The following CABIN1 variants were observed in gnomAD, a reference collection of about 807,000 sequenced individuals.
CABIN1 encodes calcineurin-binding protein cabin-1.
A neutral mutation model predicts 227.7 loss-of-function variants in CABIN1; 133 were observed. That is an observed-to-expected ratio of 0.58 (90% CI 0.51 to 0.67). CABIN1 has a LOEUF of 0.67. Among genes scored for constraint, CABIN1 ranks in the 30% least tolerant of loss-of-function variants. The probability of loss-of-function intolerance (pLI) is 0.00; values close to 1 mark genes in which losing one functional copy is unlikely to be tolerated. For missense variants in CABIN1, 2,408 were observed against 2,852.5 expected (o/e 0.84, Z 3.55); for synonymous variants, 1,086 against 1,155.1 (o/e 0.94, Z 1.21).
chr22:24,138,173 G>A (rs1202388798), intron 29 of CABIN1, among the ~76,000 whole-genome samples: 1 of 152,092 alleles, frequency 6.6e-6, no homozygotes. Context: ...TGTGAGAGTT[G>A]TAGTTTAGGA....
At chr22:24,155,901 G>A (rs971823268) in intron 29 of CABIN1, 2 of 461,974 alleles carry the variant, frequency 4.3e-6, no homozygotes, top group Non-Finnish European at 7.7e-6. Flanking sequence ...GGAGAGGATT[G>A]GCCGGCAAAA....
chr22:24,152,607 G>A (rs1448837814), intron 29 of CABIN1, among the ~76,000 whole-genome samples: 1 of 152,228 alleles, frequency 6.6e-6, no homozygotes, highest in African/African-American at 2.4e-5. Flanking sequence ...AAAGCTCCCA[G>A]GCTGAGAACG....
At chr22:24,054,822 A>G in intron 8 of CABIN1, 51 bp from the exon 9 acceptor site, 6 of 1,612,514 alleles carry the variant, frequency 3.7e-6, no homozygotes, top group Non-Finnish European at 5.1e-6. Context: ...CTATGCTTGG[A>G]GTATTCCTCT....
At chr22:24,093,150 G>A (rs1977566037) in intron 24 of CABIN1, among the ~76,000 whole-genome samples, 1 of 152,192 alleles carries the variant, frequency 6.6e-6, no homozygotes. Flanking sequence ...GATCAACAAT[G>A]GCTACTTGCC....
intron 12 of CABIN1, among the ~76,000 whole-genome samples, chr22:24,061,481 C>T (rs565519015): frequency 2.6e-5 from 4 of 152,260 alleles, no homozygotes; most frequent in Non-Finnish European, 5.9e-5. Flanking sequence ...AGTTGTGAAA[C>T]AGCAGGAGGA....
intron 18 of CABIN1, among the ~76,000 whole-genome samples, chr22:24,074,628 G>A (rs2040315653): frequency 6.6e-6 from 1 of 152,210 alleles, no homozygotes; most frequent in South Asian, 2.1e-4. Context: ...TGGTTGGGTG[G>A]TGAGGGGCCT....
At chr22:24,160,059 T>C (rs1199875215) in intron 29 of CABIN1, among the ~76,000 whole-genome samples, 1 of 152,030 alleles carries the variant, frequency 6.6e-6, no homozygotes, top group African/African-American at 2.4e-5. Flanking sequence ...GGTGGGCGAG[T>C]CTGGCCCCTG....
Position 24,143,173 on chromosome 22 carries a change from A to G in CABIN1, c.4746+8758A>G, listed in dbSNP as rs115370496. On this transcript the variant is annotated intron_variant, in intron 29 of 36. Coordinates refer to ENST00000263119, the MANE Select transcript of CABIN1 (RefSeq NM_012295.4). ...TGTACTTCACTATGTATAGTGTGGA[A>G]GCCCATGCGTTGTGACTGGTAGCCT... Among the ~76,000 whole-genome samples, 1,427 of 152,298 alleles carry G rather than the reference A, an allele frequency of 9.4e-3. 20 individuals are homozygous for G. The highest frequency in any genetic ancestry group is 0.033 in the African/African-American group (1,358 of 41,570).
chr22:24,043,272 T>C lies in CABIN1; in HGVS notation c.526+188T>C, dbSNP rs546607310. Among the ~76,000 whole-genome samples, 68 of 151,870 alleles carry C rather than the reference T, an allele frequency of 4.5e-4. 1 individual carries two copies. The highest frequency in any genetic ancestry group is 2.2e-3 in the Admixed American group (33 of 15,248). On this transcript the variant is annotated intron_variant, in intron 6 of 36. Coordinates refer to ENST00000263119, the MANE Select transcript of CABIN1 (RefSeq NM_012295.4). ...CTTTCTTGATTTGTTAAATGCCTTG[T>C]AGTAATAAAGTAGCATGTTTTCTGA...
At chr22:24,016,800 T>C (rs761297625) in intron 1 of CABIN1, among the ~76,000 whole-genome samples, 6 of 152,170 alleles carry the variant, frequency 3.9e-5, no homozygotes, top group Non-Finnish European at 8.8e-5. Flanking sequence ...TCGCCAACAG[T>C]GTGTGCTGTC....
intron 33 of CABIN1, among the ~76,000 whole-genome samples, chr22:24,169,500 C>T (rs1292709797): frequency 1.3e-5 from 2 of 152,184 alleles, no homozygotes; most frequent in African/African-American, 4.8e-5. Flanking sequence ...AGGCTGTGGG[C>T]CAGACGAGGC....
At chr22:24,068,705 AT>A (rs1289898088) in intron 16 of CABIN1, among the ~76,000 whole-genome samples, 15 of 152,104 alleles carry the variant, frequency 9.9e-5, no homozygotes, top group South Asian at 6.2e-4. Flanking sequence ...TCTTGCAAAT[AT>A]TTTTTTCCCA....
At chr22:24,015,270 C>CAAAAAAA (rs1199906542) in intron 1 of CABIN1, among the ~76,000 whole-genome samples, 2 of 50,688 alleles carry the variant, frequency 3.9e-5, no homozygotes, top group African/African-American at 1.6e-4. Flanking sequence ...AATCCATCTC[C>CAAAAAAA]AAAAAAAAAA....
intron 34 of CABIN1, among the ~76,000 whole-genome samples, chr22:24,173,870 C>T (rs190866033): frequency 1.3e-5 from 2 of 152,264 alleles, no homozygotes; most frequent in Non-Finnish European, 2.9e-5. Context: ...CAGCATGTGA[C>T]CTTGGCCATC....
intron 29 of CABIN1, among the ~76,000 whole-genome samples, chr22:24,154,719 A>C (rs1282794830): frequency 6.6e-6 from 1 of 152,170 alleles, no homozygotes; most frequent in Non-Finnish European, 1.5e-5. Context: ...CCTGGAGGGA[A>C]GGAAGGAGGG....
In CABIN1 at chr22:24,041,202, A is replaced by T; in HGVS notation, c.274A>T (p.Thr92Ser). The T allele has an allele frequency of 1.2e-6, 2 of 1,614,150 alleles. No homozygotes were observed. The highest frequency in any genetic ancestry group is 1.7e-6 in the Non-Finnish European group (2 of 1,180,024). Residue 92 changes from threonine to serine, a missense_variant, in exon 5 of 37, where the codon ACT (threonine) becomes TCT (serine). This residue lies in a region of CABIN1 where 1,045 missense variants were observed against 1,168.4 expected (regional missense o/e 0.89). Transcript: ENST00000263119. The part of the protein sequence containing the change: ...KHPGLILKYS[T>S]YKNLAQLAAQ... ...CCCTGGGCTGATACTGAAATATTCC[A>T]CTTATAAGAACTTGGCCCAGCTGGC...
chr22:24,141,038 G>T (rs925826265), intron 29 of CABIN1, among the ~76,000 whole-genome samples: 1 of 152,216 alleles, frequency 6.6e-6, no homozygotes, highest in South Asian at 2.1e-4. Context: ...CACACACTTG[G>T]CATGCCACAC....
rs1359631667 is a variant in CABIN1 at position 24,117,794 on chromosome 22, AGGCCT to A, written c.4301-1571_4301-1567del. On this transcript the variant is annotated intron_variant, in intron 27 of 36. Coordinates refer to ENST00000263119, the MANE Select transcript of CABIN1 (RefSeq NM_012295.4). Reference sequence around the variant, plus strand: ...TCAGTGCCTGATGTGAACCGCTGAGAGGCCTGCATCATCATCTGATTCCTCTGTCT... The same window carrying A: ...TCAGTGCCTGATGTGAACCGCTGAGAGCATCATCATCTGATTCCTCTGTCT... Among the ~76,000 whole-genome samples the A allele has an allele frequency of 3.5e-3, 530 of 152,324 alleles. 4 individuals are homozygous for A. Among genetic ancestry groups the A allele is most frequent in the African/African-American group, 0.012 (498 of 41,562 alleles).
At chr22:24,076,148 G>C (rs1186771835) in intron 18 of CABIN1, 21 bp from the exon 19 acceptor site, 1 of 1,598,148 alleles carries the variant, frequency 6.3e-7, no homozygotes, top group Non-Finnish European at 8.6e-7. Flanking sequence ...CTCTGTGTCT[G>C]TCGGCCTGGG....
Sources: allele counts gnomAD v4.1 joint callset (sites outside exome capture counted in the v4.1 genomes callset), GRCh38; gene constraint gnomAD v4.1.1; regional missense constraint gnomAD v4.1.1; transcripts MANE v1.5; gene names NCBI Gene and HGNC (gene_info 2026-07-23, HGNC 2026-07-21).